Variants in ZSCAN5A observed in about 807,000 individuals in gnomAD.
The protein encoded by ZSCAN5A is zinc finger and SCAN domain-containing protein 5A.
ZSCAN5A carries 12 observed loss-of-function variants against 23.7 expected under a neutral mutation model. The observed-to-expected ratio is 0.51, with a 90% confidence interval of 0.32 to 0.82. The LOEUF (loss-of-function observed/expected upper bound fraction) is 0.82. Ranked by LOEUF, ZSCAN5A falls within the 40% of genes least tolerant of loss-of-function variation. The pLI, the probability that ZSCAN5A is intolerant of heterozygous loss-of-function variation, is 0.03. For synonymous variants in ZSCAN5A, 257 were observed against 239.9 expected (o/e 1.07, Z -0.66); for missense variants, 597 against 617.9 (o/e 0.97, Z 0.36).
chr19:56,343,706 C>T (rs78015151), intron 2 of ZSCAN5A, among the ~76,000 whole-genome samples: 3,547 of 152,326 alleles, frequency 0.023, 122 homozygotes, highest in African/African-American at 0.076. Flanking sequence ...ACAGGCTGGA[C>T]GTTCCCCACG....
chr19:56,246,663 G>A, intron 2 of ZSCAN5A: 1 of 806,422 alleles, frequency 1.2e-6, no homozygotes, highest in Non-Finnish European at 2.0e-6. Flanking sequence ...TCAGTGTTTG[G>A]TTGCAATGAG....
intron 2 of ZSCAN5A, chr19:56,283,381 A>G (rs1005640308): frequency 3.3e-5 from 5 of 152,186 alleles, no homozygotes; most frequent in African/African-American, 1.2e-4. Flanking sequence ...CACAGATCCA[A>G]ACAGGAAACA....
At chr19:56,327,398 A>G (rs2041444456) in intron 2 of ZSCAN5A, among the ~76,000 whole-genome samples, 1 of 151,818 alleles carries the variant, frequency 6.6e-6, no homozygotes, top group Non-Finnish European at 1.5e-5. Flanking sequence ...TACAAGTGTG[A>G]GCCATAGCAC....
intron 1 of ZSCAN5A, among the ~76,000 whole-genome samples, chr19:56,364,227 T>C (rs1423281929): frequency 6.6e-6 from 1 of 152,222 alleles, no homozygotes; most frequent in African/African-American, 2.4e-5. Flanking sequence ...GTGACAGCAC[T>C]TTTTAAAGCT....
At chr19:56,342,838 A>C (rs1451315124) in intron 2 of ZSCAN5A, 1 of 878,104 alleles carries the variant, frequency 1.1e-6, no homozygotes, top group East Asian at 2.4e-5. Flanking sequence ...TCTTCCTCTC[A>C]AAAGCACCCC....
chr19:56,291,690 C>A (rs1320856039), intron 2 of ZSCAN5A, among the ~76,000 whole-genome samples: 1 of 152,072 alleles, frequency 6.6e-6, no homozygotes, highest in Non-Finnish European at 1.5e-5. Flanking sequence ...CTCATCTCTG[C>A]CAAGGGAGGT....
intron 2 of ZSCAN5A, among the ~76,000 whole-genome samples, chr19:56,293,947 A>G (rs909068708): frequency 2.0e-5 from 3 of 152,208 alleles, no homozygotes; most frequent in Admixed American, 1.3e-4. Context: ...GAGCTCAGCA[A>G]GGGTCTGTGA....
chr19:56,288,585 C>T (rs1207384748), intron 2 of ZSCAN5A, among the ~76,000 whole-genome samples: 3 of 152,308 alleles, frequency 2.0e-5, no homozygotes, highest in African/African-American at 7.2e-5. Flanking sequence ...CTGGGTCTGG[C>T]CTGCCTTGCT....
intron 2 of ZSCAN5A, among the ~76,000 whole-genome samples, chr19:56,334,749 T>C (rs935097264): frequency 2.0e-5 from 3 of 152,036 alleles, no homozygotes; most frequent in East Asian, 1.9e-4. Context: ...AGCAGCCCTA[T>C]AGAAAAGTGG....
chr19:56,221,828 G>A lies in ZSCAN5A; in HGVS notation c.1238C>T (p.Thr413Met), dbSNP rs760894715. Residue 413 changes from threonine (T) to methionine (M), a missense_variant, in exon 6 of 6, where the codon ACG becomes ATG. By Grantham distance (81) the Thr-to-Met change is moderately conservative. Around this residue, in one of 5 missense-constraint regions of ZSCAN5A, gnomAD observed 406 missense variants for 353.2 expected, o/e 1.15. Coordinates refer to ENST00000683990, the MANE Select transcript of ZSCAN5A (RefSeq NM_001322064.3). ...GAACTGCTTCTGGCAGACGTCACAC[G>A]TGTAGGGCCTCTCGCCAGTGTGGGT... ...QRTHTGERPY[T>M]CDVCQKQFTQ... The A allele has an allele frequency of 6.2e-6, 10 of 1,614,044 alleles. No homozygotes were observed. Among genetic ancestry groups the A allele is most frequent in the Middle Eastern group, 1.6e-4 (1 of 6,084 alleles).
At chr19:56,310,698 G>C (rs924861847) in intron 2 of ZSCAN5A, among the ~76,000 whole-genome samples, 8 of 152,196 alleles carry the variant, frequency 5.3e-5, no homozygotes, top group African/African-American at 1.9e-4. Context: ...ACCGTCCTGA[G>C]GAAATACAGT....
intron 2 of ZSCAN5A, chr19:56,321,249 T>A: frequency 1.5e-6 from 1 of 670,166 alleles, no homozygotes; most frequent in Non-Finnish European, 2.8e-6. Flanking sequence ...AGTTGGGGTA[T>A]CAGTAGTGCC....
intron 2 of ZSCAN5A, among the ~76,000 whole-genome samples, chr19:56,237,050 T>C (rs1162624175): frequency 1.3e-5 from 2 of 152,240 alleles, no homozygotes; most frequent in Non-Finnish European, 2.9e-5. Flanking sequence ...CCGAGGGGTA[T>C]TGCCGGGTTC....
At chr19:56,268,438 ATGC>A (rs376972677) in intron 2 of ZSCAN5A, among the ~76,000 whole-genome samples, 122 of 152,250 alleles carry the variant, frequency 8.0e-4, no homozygotes, top group African/African-American at 2.5e-3. Context: ...GAAGCCTCAG[ATGC>A]TGCTGCTGCT....
chr19:56,256,442 C>T (rs764444225), intron 2 of ZSCAN5A, among the ~76,000 whole-genome samples: 15 of 152,206 alleles, frequency 9.9e-5, no homozygotes, highest in Non-Finnish European at 1.9e-4. Context: ...GATCCTCCCA[C>T]CTTAGCCTCC....
At chr19:56,364,719 T>C (rs1250610689) in intron 1 of ZSCAN5A, among the ~76,000 whole-genome samples, 1 of 152,206 alleles carries the variant, frequency 6.6e-6, no homozygotes, top group Non-Finnish European at 1.5e-5. Flanking sequence ...AACTGGTACA[T>C]TCATGCAATG....
chr19:56,301,968 T>G (rs2040262918), intron 2 of ZSCAN5A: 4 of 1,231,978 alleles, frequency 3.2e-6, no homozygotes, highest in African/African-American at 1.6e-5. Context: ...TTCTCTCCAG[T>G]TAAACCCTTC....
intron 2 of ZSCAN5A, among the ~76,000 whole-genome samples, chr19:56,345,164 A>C (rs2041623894): frequency 6.6e-6 from 1 of 152,084 alleles, no homozygotes. Context: ...TTCTAATATT[A>C]CTTTAATAAT....
Position 56,221,935 on chromosome 19 carries a change from T to C in ZSCAN5A, c.1131A>G (p.Ser377=), listed in dbSNP as rs556354363. The C allele has an allele frequency of 2.5e-6, 4 of 1,614,100 alleles. No homozygotes were observed. In the African/African-American group the frequency reaches 5.3e-5, roughly 22 times the overall value. ...ATTGAAAGAGTCTCTCGCCTGTGTG[T>C]GATCTCTTGTGGATGACTAGCTTGG... ...CNSKLVIHKR[S]HTGERLFQCN... The change falls in exon 6 of 6, where the codon TCA becomes TCG. Residue 377 remains serine (S), a synonymous_variant. Transcript: ENST00000683990.
Sources: allele counts gnomAD v4.1 joint callset (sites outside exome capture counted in the v4.1 genomes callset), GRCh38; gene constraint gnomAD v4.1.1; regional missense constraint gnomAD v4.1.1; transcripts MANE v1.5; gene names NCBI Gene and HGNC (gene_info 2026-07-23, HGNC 2026-07-21).